Variants in DLG2 observed in about 807,000 individuals in gnomAD.
DLG2 encodes disks large homolog 2.
Under a neutral mutation model 132.5 loss-of-function variants are expected in DLG2, and 45 were observed. The observed-to-expected ratio is 0.34, with a 90% CI of 0.27 to 0.44. The LOEUF is 0.44. Among genes scored for constraint, DLG2 ranks in the 20% least tolerant of loss-of-function variants. DLG2 has a pLI of 1.00. For synonymous variants in DLG2, 424 were observed against 419.6 expected (o/e 1.01, Z -0.13); for missense variants, 1,045 against 1,196.9 (o/e 0.87, Z 1.87).
At chr11:83,769,721 G>T (rs557458259) in intron 18 of DLG2, among the ~76,000 whole-genome samples, 1 of 151,896 alleles carries the variant, frequency 6.6e-6, no homozygotes, top group Non-Finnish European at 1.5e-5. Flanking sequence ...CCACCACTAC[G>T]CCTGGCTAAG....
At chr11:84,192,867 AT>A (rs2096440832) in intron 8 of DLG2, among the ~76,000 whole-genome samples, 1 of 152,244 alleles carries the variant, frequency 6.6e-6, no homozygotes. Context: ...AATACAATAC[AT>A]ATTCCTCTTT....
At chr11:83,847,493 G>A (rs1422061375) in intron 16 of DLG2, among the ~76,000 whole-genome samples, 1 of 152,160 alleles carries the variant, frequency 6.6e-6, no homozygotes, top group East Asian at 1.9e-4. Flanking sequence ...TTGGGTTCAA[G>A]TATTTCATGT....
chr11:83,541,758 C>G lies in DLG2; in HGVS notation c.2041G>C (p.Asp681His), dbSNP rs371177505. 2.5e-6 allele frequency: 4 copies of G among 1,613,322 alleles called. No homozygotes were observed. Among genetic ancestry groups the G allele is most frequent in the East Asian group, 2.2e-5 (1 of 44,828 alleles). The change falls in exon 20 of 28, where the codon GAT becomes CAT. Residue 681 changes from aspartate (D) to histidine (H), a missense_variant. Around this residue, in one of 4 missense-constraint regions of DLG2, gnomAD observed 398 missense variants for 543.6 expected, o/e 0.73. Coordinates refer to ENST00000376104, the MANE Select transcript of DLG2 (RefSeq NM_001142699.3). ...DILHVINASD[D>H]EWWQARRVML... ...ACTCTCCTGGCTTGCCACCACTCAT[C>G]ATCAGAGGCATTGATAACGTGGAGA...
chr11:85,210,051 A>C (rs561183693), intron 4 of DLG2, among the ~76,000 whole-genome samples: 21 of 152,096 alleles, frequency 1.4e-4, no homozygotes, highest in Admixed American at 1.3e-3. Flanking sequence ...CCCACTCACC[A>C]TTTCATATCC....
rs191200963 is a variant in DLG2, at chr11:84,617,930, G to T, written c.358-83199C>A. Among the ~76,000 whole-genome samples the T allele has an allele frequency of 1.9e-4, 29 of 152,174 alleles. No individual in the cohort carries two copies. In the East Asian group the frequency reaches 5.6e-3, roughly 29 times the overall value. On this transcript the variant is annotated intron_variant, in intron 6 of 27. Coordinates refer to ENST00000376104, the MANE Select transcript of DLG2 (RefSeq NM_001142699.3). Reference sequence around the variant, plus strand: ...AAAAACAGTCAAAGAAAGTAATGCAGTGTTGTAAAGGGTAAAACAGGTATG... The same window carrying T: ...AAAAACAGTCAAAGAAAGTAATGCATTGTTGTAAAGGGTAAAACAGGTATG...
At chr11:84,924,867 T>C (rs1219779124) in intron 6 of DLG2, among the ~76,000 whole-genome samples, 2 of 152,122 alleles carry the variant, frequency 1.3e-5, no homozygotes, top group African/African-American at 4.8e-5. Context: ...AAAATCGACA[T>C]GGATGCCCAG....
rs146878427 is a variant in DLG2, at chr11:83,932,921, G to A, written c.1341-2438C>T. ...GGTTCATCTGCCCTCAAAGGGATAG[G>A]TTTCTTGTGCGTTTGAGTTTAGCCA... On this transcript the variant is annotated intron_variant, in intron 14 of 27. Coordinates refer to ENST00000376104, the MANE Select transcript of DLG2 (RefSeq NM_001142699.3). Among the ~76,000 whole-genome samples the A allele has an allele frequency of 2.0e-3, 309 of 152,234 alleles. 4 individuals carry two copies. Among genetic ancestry groups the A allele is most frequent in the Middle Eastern group, 3.4e-3 (1 of 294 alleles).
intron 7 of DLG2, among the ~76,000 whole-genome samples, chr11:84,378,938 CCATCTCAAAAA>C (rs1422342832): frequency 5.9e-5 from 9 of 151,834 alleles, no homozygotes; most frequent in Admixed American, 2.0e-4. Context: ...GAGGAAGACT[CCATCTCAAAAA>C]CATCTCAAAA....
chr11:84,794,065 G>T (rs950407514), intron 6 of DLG2, among the ~76,000 whole-genome samples: 1 of 151,874 alleles, frequency 6.6e-6, no homozygotes, highest in African/African-American at 2.4e-5. Flanking sequence ...TGTATCTGTT[G>T]TATGTTTTTT....
At chr11:83,978,933 C>T (rs1022586336) in intron 12 of DLG2, among the ~76,000 whole-genome samples, 5 of 152,076 alleles carry the variant, frequency 3.3e-5, no homozygotes, top group African/African-American at 4.8e-5. Flanking sequence ...CAATTTGAAA[C>T]CCAGTTTTGT....
At chr11:84,137,438 A>ATG (rs34707637) in intron 9 of DLG2, among the ~76,000 whole-genome samples, 5,554 of 151,528 alleles carry the variant, frequency 0.037, 145 homozygotes, top group Non-Finnish European at 0.055. Flanking sequence ...ACCAAATTTT[A>ATG]TGTGTGTGTG....
chr11:84,845,320 A>G (rs1203570896), intron 6 of DLG2, among the ~76,000 whole-genome samples: 2 of 152,156 alleles, frequency 1.3e-5, no homozygotes. Flanking sequence ...AAATGAATGA[A>G]TGGTACATAT....
rs746277245 is a variant in DLG2, at chr11:84,228,920, C to A, written c.573+22318G>T. ...GTATAGTTTTAAACATTCTGGGCCTCAGCTTTCTCATTCCTTGAATGAGGT... is the reference window on the plus strand; with the variant it reads ...GTATAGTTTTAAACATTCTGGGCCTAAGCTTTCTCATTCCTTGAATGAGGT... On this transcript the variant is annotated intron_variant, in intron 8 of 27. Coordinates refer to ENST00000376104, the MANE Select transcript of DLG2 (RefSeq NM_001142699.3). 2.0e-5 allele frequency among the ~76,000 whole-genome samples: 3 copies of A among 152,266 alleles called. No homozygotes were observed. The South Asian group carries it at 6.2e-4, about 32-fold the overall frequency.
intron 22 of DLG2, among the ~76,000 whole-genome samples, chr11:83,479,335 C>T (rs1039359632): frequency 6.6e-6 from 1 of 151,574 alleles, no homozygotes; most frequent in Admixed American, 6.6e-5. Flanking sequence ...TGGCCTTCCA[C>T]CTCAAAAAGG....
intron 9 of DLG2, among the ~76,000 whole-genome samples, chr11:84,155,223 C>T (rs187710562): frequency 1.4e-3 from 216 of 152,262 alleles, no homozygotes; most frequent in African/African-American, 4.9e-3. Flanking sequence ...TAGATTTCTG[C>T]ACTGGGTTTC....
At chr11:84,301,246 A>T (rs564593705) in intron 7 of DLG2, among the ~76,000 whole-genome samples, 3 of 152,304 alleles carry the variant, frequency 2.0e-5, no homozygotes, top group African/African-American at 7.2e-5. Context: ...TCATTAAAAA[A>T]GATGTCAACA....
chr11:84,901,957 T>C (rs578039386), intron 6 of DLG2, among the ~76,000 whole-genome samples: 1 of 152,228 alleles, frequency 6.6e-6, no homozygotes, highest in Non-Finnish European at 1.5e-5. Context: ...ATTCTGGAAA[T>C]ATTTTGGGAG....
intron 19 of DLG2, among the ~76,000 whole-genome samples, chr11:83,544,660 CTTA>C (rs1307447096): frequency 6.6e-6 from 1 of 152,068 alleles, no homozygotes; most frequent in Non-Finnish European, 1.5e-5. Flanking sequence ...TACTTACGCC[CTTA>C]TTAGGTGGTC....
intron 8 of DLG2, among the ~76,000 whole-genome samples, chr11:84,206,103 C>G (rs189780858): frequency 6.6e-6 from 1 of 151,996 alleles, no homozygotes; most frequent in African/African-American, 2.4e-5. Context: ...AATATTTCAT[C>G]TAAGTTGCAG....
Sources: gnomAD v4.1 joint callset for allele counts (sites outside exome capture counted in the v4.1 genomes callset) on GRCh38, gnomAD v4.1.1 for gene constraint, gnomAD v4.1.1 regional missense constraint, MANE v1.5 for transcripts, NCBI Gene and HGNC (gene_info 2026-07-23, HGNC 2026-07-21) for gene names.